The following LDLRAD4 variants were observed in gnomAD, a reference collection of about 807,000 sequenced individuals.
LDLRAD4 encodes the protein low-density lipoprotein receptor class A domain-containing protein 4.
Under a neutral mutation model 17.0 loss-of-function variants are expected in LDLRAD4, and 5 were observed. The observed-to-expected ratio is 0.29, with a 90% CI of 0.15 to 0.62. The LOEUF (loss-of-function observed/expected upper bound fraction) is 0.62, where lower values mean the gene tolerates loss of function less well. Among genes scored for constraint, LDLRAD4 ranks in the 20% least tolerant of loss-of-function variants. The pLI is 0.84. For missense variants in LDLRAD4, 340 were observed against 424.7 expected (o/e 0.80, Z 1.75); for synonymous variants, 168 against 171.8 (o/e 0.98, Z 0.17).
intron 1 of LDLRAD4, among the ~76,000 whole-genome samples, chr18:13,228,937 G>A (rs1021444897): frequency 2.6e-5 from 4 of 152,210 alleles, no homozygotes; most frequent in Non-Finnish European, 4.4e-5. Flanking sequence ...GGAATGAAGC[G>A]GAGCAGTTGT....
chr18:13,562,572 G>A (rs767475076), intron 3 of LDLRAD4, among the ~76,000 whole-genome samples: 12 of 152,170 alleles, frequency 7.9e-5, no homozygotes, highest in African/African-American at 1.4e-4. Context: ...CACGCGGTCC[G>A]TCAGAGCCTC....
chr18:13,325,969 G>A lies in LDLRAD4; in HGVS notation c.-383+47781G>A, dbSNP rs537780678. Among the ~76,000 whole-genome samples the A allele has an allele frequency of 2.6e-5, 4 of 152,066 alleles. No individual in the cohort carries two copies. In the East Asian group the frequency reaches 7.8e-4, roughly 30 times the overall value. Reference sequence around the variant, plus strand: ...TTTTTAGTAGAGACGGGGTTTCACTGTATTAGCCAGGATGTTCTTGATCTC... The same window carrying A: ...TTTTTAGTAGAGACGGGGTTTCACTATATTAGCCAGGATGTTCTTGATCTC... On this transcript the variant is annotated intron_variant, in intron 1 of 5. Coordinates refer to ENST00000359446, the Ensembl canonical transcript of LDLRAD4.
intron 3 of LDLRAD4, among the ~76,000 whole-genome samples, chr18:13,603,550 G>A (rs1020571386): frequency 6.6e-6 from 1 of 152,242 alleles, no homozygotes; most frequent in African/African-American, 2.4e-5. Context: ...TCACCTGTGA[G>A]ATTGGGATAA....
chr18:13,316,617 G>C (rs1343987387), intron 1 of LDLRAD4, among the ~76,000 whole-genome samples: 1 of 152,202 alleles, frequency 6.6e-6, no homozygotes, highest in Non-Finnish European at 1.5e-5. Flanking sequence ...GGTGTGATGT[G>C]CAGGCAGAAT....
At chr18:13,643,562 C>A in intron 5 of LDLRAD4, 150 bp downstream of exon 6, 1 of 426,588 alleles carries the variant, frequency 2.3e-6, no homozygotes, top group South Asian at 9.3e-5. Context: ...GAACTTTGGT[C>A]AAAAGCGGGA....
chr18:13,373,985 A>G (rs2084705015), intron 1 of LDLRAD4, among the ~76,000 whole-genome samples: 1 of 151,858 alleles, frequency 6.6e-6, no homozygotes, highest in Admixed American at 6.6e-5. Context: ...TATTTCACAT[A>G]TTTCCACCAT....
intron 1 of LDLRAD4, among the ~76,000 whole-genome samples, chr18:13,352,692 T>C (rs1241313231): frequency 6.6e-6 from 1 of 152,196 alleles, no homozygotes; most frequent in East Asian, 1.9e-4. Context: ...TCTCTTCTCC[T>C]TCTGGAATTC....
chr18:13,235,950 A>G (rs1398077597), intron 1 of LDLRAD4, among the ~76,000 whole-genome samples: 2 of 152,230 alleles, frequency 1.3e-5, no homozygotes, highest in Non-Finnish European at 2.9e-5. Flanking sequence ...CTGTCTTTTC[A>G]TCTTTTCCAT....
chr18:13,245,833 AT>A (rs1206497266), intron 1 of LDLRAD4, among the ~76,000 whole-genome samples: 3 of 151,620 alleles, frequency 2.0e-5, no homozygotes, highest in African/African-American at 2.4e-5. Flanking sequence ...CTTCCTCTTG[AT>A]TTTCTTGTCT....
chr18:13,485,289 C>G (rs1250259386), intron 3 of LDLRAD4, among the ~76,000 whole-genome samples: 1 of 152,180 alleles, frequency 6.6e-6, no homozygotes, highest in Non-Finnish European at 1.5e-5. Context: ...CCCACAAAGC[C>G]TCTGGTAGGA....
At chr18:13,530,618 G>T (rs1292578028) in intron 3 of LDLRAD4, among the ~76,000 whole-genome samples, 2 of 152,340 alleles carry the variant, frequency 1.3e-5, no homozygotes, top group African/African-American at 4.8e-5. Flanking sequence ...CGCTGGCTCA[G>T]CGAGGCACCC....
intron 3 of LDLRAD4, among the ~76,000 whole-genome samples, chr18:13,567,256 G>T (rs555177098): frequency 6.6e-6 from 1 of 152,226 alleles, no homozygotes; most frequent in Admixed American, 6.5e-5. Context: ...ATACACACAC[G>T]TAGGGAAGAA....
chr18:13,353,648 C>T (rs928256303), intron 1 of LDLRAD4, among the ~76,000 whole-genome samples: 3 of 152,162 alleles, frequency 2.0e-5, no homozygotes, highest in African/African-American at 7.2e-5. Context: ...GAGACCAGTC[C>T]TCAGGCAGTC....
chr18:13,271,705 T>A (rs923221240), intron 1 of LDLRAD4, among the ~76,000 whole-genome samples: 15 of 152,072 alleles, frequency 9.9e-5, no homozygotes, highest in Admixed American at 7.2e-4. Flanking sequence ...GCGCAGGAGG[T>A]GGGGCCTCTG....
chr18:13,510,189 G>A (rs1287712590), intron 3 of LDLRAD4, among the ~76,000 whole-genome samples: 1 of 152,160 alleles, frequency 6.6e-6, no homozygotes, highest in Non-Finnish European at 1.5e-5. Flanking sequence ...TAAATCATGG[G>A]AACTGAGATG....
At chr18:13,611,886 C>G in intron 3 of LDLRAD4, 3 of 985,370 alleles carry the variant, frequency 3.0e-6, no homozygotes, top group Non-Finnish European at 3.6e-6. Context: ...GGGAGCTGCT[C>G]CCATCAGTTA....
intron 1 of LDLRAD4, among the ~76,000 whole-genome samples, chr18:13,353,358 C>T (rs907541893): frequency 5.9e-5 from 9 of 152,296 alleles, no homozygotes; most frequent in Admixed American, 1.3e-4. Context: ...AGGCCCTTTT[C>T]TGGGTATGTG....
chr18:13,304,863 C>T (rs1361302831), intron 1 of LDLRAD4, among the ~76,000 whole-genome samples: 1 of 152,126 alleles, frequency 6.6e-6, no homozygotes, highest in Non-Finnish European at 1.5e-5. Flanking sequence ...ACACAGCAGA[C>T]GGAAGGAGTG....
intron 4 of LDLRAD4, 42 bp from the exon 6 acceptor site, chr18:13,643,317 G>C: frequency 4.4e-6 from 6 of 1,348,600 alleles, no homozygotes; most frequent in South Asian, 1.4e-5. Context: ...ATTTTCCTCT[G>C]TTTCTTGTTC....
Sources: gnomAD v4.1 joint callset for allele counts (sites outside exome capture counted in the v4.1 genomes callset) on GRCh38, gnomAD v4.1.1 for gene constraint, MANE v1.5 for transcripts, NCBI Gene and HGNC (gene_info 2026-07-23, HGNC 2026-07-21) for gene names.